ZNF804A: variants seen among roughly 807,000 people sequenced by gnomAD.
ZNF804A encodes zinc finger protein 804A.
In ZNF804A, 2 loss-of-function variants were observed where a neutral mutation model predicts 16.5. That is an observed-to-expected ratio of 0.12 (90% CI 0.05 to 0.38). ZNF804A has a LOEUF of 0.38. Ranked by LOEUF, ZNF804A falls within the 10% of genes least tolerant of loss-of-function variation. ZNF804A has a pLI of 0.99. For synonymous variants in ZNF804A, 534 were observed against 489.6 expected, an observed-to-expected ratio of 1.09 and a Z score of -1.20; for missense variants, 1,473 against 1,390.7, an observed-to-expected ratio of 1.06 and a Z score of -0.94.
chr2:184,617,082 T>C (rs1234547419), intron 1 of ZNF804A, among the ~76,000 whole-genome samples: 1 of 152,028 alleles, frequency 6.6e-6, no homozygotes, highest in Admixed American at 6.6e-5. Flanking sequence ...ATTTGTTTCA[T>C]TATAAAAAAG....
At chr2:184,798,869 G>A (rs1694678313) in intron 1 of ZNF804A, among the ~76,000 whole-genome samples, 1 of 152,148 alleles carries the variant, frequency 6.6e-6, no homozygotes, top group Non-Finnish European at 1.5e-5. Context: ...GGCTATGTCA[G>A]AGGGAAGGTC....
At chr2:184,696,614 T>G (rs1692835620) in intron 1 of ZNF804A, among the ~76,000 whole-genome samples, 1 of 152,162 alleles carries the variant, frequency 6.6e-6, no homozygotes, top group Admixed American at 6.6e-5. Flanking sequence ...ATATTTTATA[T>G]GATTTAAACA....
chr2:184,639,259 A>G (rs1210300294), intron 1 of ZNF804A, among the ~76,000 whole-genome samples: 2 of 151,842 alleles, frequency 1.3e-5, no homozygotes, highest in Non-Finnish European at 2.9e-5. Flanking sequence ...TTTTTAGCAG[A>G]GACGAGGTTT....
At chr2:184,798,502 T>C (rs1016635065) in intron 1 of ZNF804A, among the ~76,000 whole-genome samples, 7 of 152,140 alleles carry the variant, frequency 4.6e-5, no homozygotes, top group African/African-American at 1.4e-4. Flanking sequence ...GCTCTGAATT[T>C]CTTTCTTTAC....
At chr2:184,832,113 T>A (rs1439123110) in intron 1 of ZNF804A, among the ~76,000 whole-genome samples, 1 of 152,088 alleles carries the variant, frequency 6.6e-6, no homozygotes, top group African/African-American at 2.4e-5. Context: ...CAATTAACTA[T>A]GCAATTTGTC....
At chr2:184,693,634 A>G (rs1399943390) in intron 1 of ZNF804A, among the ~76,000 whole-genome samples, 1 of 152,168 alleles carries the variant, frequency 6.6e-6, no homozygotes, top group Non-Finnish European at 1.5e-5. Flanking sequence ...CTCAGATATG[A>G]CTTATATTTA....
At chr2:184,688,187 G>T (rs913994772) in intron 1 of ZNF804A, among the ~76,000 whole-genome samples, 2 of 151,804 alleles carry the variant, frequency 1.3e-5, no homozygotes, top group Non-Finnish European at 2.9e-5. Context: ...CTAAATCATA[G>T]CATAAATCAT....
chr2:184,704,011 T>C (rs967817972), intron 1 of ZNF804A, among the ~76,000 whole-genome samples: 3 of 152,142 alleles, frequency 2.0e-5, no homozygotes, highest in African/African-American at 7.2e-5. Flanking sequence ...AAAAGTTCTC[T>C]AAGGACCTTA....
rs191665526 is a variant in ZNF804A at position 184,757,538 on chromosome 2, A to C, written c.112-108831A>C. Among the ~76,000 whole-genome samples the C allele has an allele frequency of 5.5e-4, 83 of 151,918 alleles. 2 individuals carry two copies. The highest frequency in any genetic ancestry group is 1.7e-3 in the African/African-American group (71 of 41,478). On this transcript the variant is annotated intron_variant, in intron 1 of 3. Transcript: ENST00000302277. The stretch of plus-strand genomic sequence containing the variant: ...TTAAAGACCAAGTCATCTTACATTT[A>C]TGTTTCTTGGATGCTTTTCTCTTTC...
At chr2:184,914,537 A>C (rs1273584757) in intron 2 of ZNF804A, among the ~76,000 whole-genome samples, 1 of 152,180 alleles carries the variant, frequency 6.6e-6, no homozygotes, top group Non-Finnish European at 1.5e-5. Context: ...TCTTAAGCCA[A>C]ATTTCCTAAT....
chr2:184,622,549 T>G (rs565693983), intron 1 of ZNF804A, among the ~76,000 whole-genome samples: 1 of 151,838 alleles, frequency 6.6e-6, no homozygotes, highest in Non-Finnish European at 1.5e-5. Context: ...TCAATAGACT[T>G]TCATTCTATT....
chr2:184,923,274 G>A (rs760581821), intron 2 of ZNF804A, among the ~76,000 whole-genome samples: 3 of 151,504 alleles, frequency 2.0e-5, no homozygotes, highest in Non-Finnish European at 1.5e-5. Flanking sequence ...TACTTCTTTG[G>A]TTAAGTCTGA....
In ZNF804A at chr2:184,933,637, G is replaced by T; in HGVS notation, c.290G>T (p.Arg97Leu). ...LKELKQREFA[R>L]NVASKSRKDE... is the part of the protein sequence containing the mutation. The stretch of plus-strand genomic sequence containing the variant: ...GAACTGAAACAAAGGGAATTTGCTC[G>T]AAATGTAGCATCTAAATCCAGGAAA... Residue 97 changes from arginine to leucine, a missense_variant, in exon 3 of 4, where the codon CGA becomes CTA. Physicochemically the swap from Arg to Leu is moderately radical, Grantham distance 102 (BLOSUM62 -2). Transcript: ENST00000302277. The T allele has an allele frequency of 1.2e-6, 2 of 1,606,120 alleles. No individual in the cohort carries two copies. Among genetic ancestry groups the T allele is most frequent in the South Asian group, 1.1e-5 (1 of 89,314 alleles).
intron 1 of ZNF804A, among the ~76,000 whole-genome samples, chr2:184,798,480 A>T (rs1399478628): frequency 6.6e-6 from 1 of 151,786 alleles, no homozygotes; most frequent in East Asian, 1.9e-4. Flanking sequence ...TAATTTGAAT[A>T]CTTGTCTTTG....
chr2:184,624,007 A>G (rs1043598066), intron 1 of ZNF804A, among the ~76,000 whole-genome samples: 3 of 152,188 alleles, frequency 2.0e-5, no homozygotes, highest in African/African-American at 7.2e-5. Flanking sequence ...CAGGGGGACT[A>G]AAAATTCTTA....
intron 1 of ZNF804A, among the ~76,000 whole-genome samples, chr2:184,759,497 A>G (rs573257216): frequency 6.6e-6 from 1 of 152,070 alleles, no homozygotes; most frequent in African/African-American, 2.4e-5. Flanking sequence ...CAAAATTTTT[A>G]TAATATATAT....
chr2:184,682,843 C>G (rs1284222124), intron 1 of ZNF804A, among the ~76,000 whole-genome samples: 1 of 151,954 alleles, frequency 6.6e-6, no homozygotes, highest in Admixed American at 6.6e-5. Context: ...CAGATCTCTA[C>G]AAAAAAATAC....
intron 1 of ZNF804A, among the ~76,000 whole-genome samples, chr2:184,633,316 A>G (rs1043316797): frequency 1.3e-5 from 2 of 152,190 alleles, no homozygotes; most frequent in Non-Finnish European, 2.9e-5. Flanking sequence ...CAGTTCTTCT[A>G]TCTTGCAAAC....
intron 2 of ZNF804A, among the ~76,000 whole-genome samples, chr2:184,913,361 C>A (rs1368496721): frequency 6.6e-6 from 1 of 152,070 alleles, no homozygotes; most frequent in African/African-American, 2.4e-5. Context: ...TACCAGTGTA[C>A]TTTATTTCTT....
Sources: allele counts gnomAD v4.1 joint callset (sites outside exome capture counted in the v4.1 genomes callset), GRCh38; gene constraint gnomAD v4.1.1; transcripts MANE v1.5; gene names NCBI Gene and HGNC (gene_info 2026-07-23, HGNC 2026-07-21).